BCAS3: variants seen among roughly 807,000 people sequenced by gnomAD.
The protein encoded by BCAS3 is BCAS3 microtubule associated cell migration factor, also known as BCAS4/BCAS3 fusion.
In BCAS3, 53 loss-of-function variants were observed where a neutral mutation model predicts 116.1. That is an observed-to-expected ratio of 0.46 (90% CI 0.37 to 0.57). The LOEUF is 0.57. Among genes scored for constraint, BCAS3 ranks in the 20% least tolerant of loss-of-function variants. The pLI is 0.00. For synonymous variants in BCAS3, 391 were observed against 408.2 expected, an observed-to-expected ratio of 0.96 and a Z score of 0.51; for missense variants, 917 against 1,165.4, an observed-to-expected ratio of 0.79 and a Z score of 3.10.
At chr17:60,950,047 C>T (rs1211649505) in intron 14 of BCAS3, among the ~76,000 whole-genome samples, 1 of 152,044 alleles carries the variant, frequency 6.6e-6, no homozygotes, top group Admixed American at 6.6e-5. Context: ...TATTTAAATC[C>T]TCTTTCACAC....
intron 22 of BCAS3, among the ~76,000 whole-genome samples, chr17:61,160,695 G>C (rs1288628606): frequency 6.6e-6 from 1 of 152,072 alleles, no homozygotes; most frequent in Admixed American, 6.5e-5. Context: ...TATAAAAAAG[G>C]TCATGGTCTT....
At chr17:60,810,201 C>A (rs1041943330) in intron 7 of BCAS3, 4 of 429,536 alleles carry the variant, frequency 9.3e-6, no homozygotes, top group Admixed American at 8.2e-5. Context: ...CTCCACCAAA[C>A]TACCAGTCTC....
rs1355475077 is a variant in BCAS3 at position 61,017,815 on chromosome 17, C to G, written c.1637+1914C>G. ...TCTTGCTTTCTTTCTCTCTCTCTCC[C>G]TCTTACAACCCGATTTCTCTCTACA... is the stretch of plus-strand genomic sequence containing the variant. On this transcript the variant is annotated intron_variant, in intron 16 of 23. Coordinates refer to ENST00000407086, the MANE Select transcript of BCAS3 (RefSeq NM_017679.5). The surrounding 1 kb of genome is among the most constrained non-coding windows in gnomAD (Gnocchi z 4.7). 6.6e-6 allele frequency among the ~76,000 whole-genome samples: 1 copy of G among 152,062 alleles called. No individual in the cohort carries two copies. The highest frequency in any genetic ancestry group is 1.5e-5 in the Non-Finnish European group (1 of 67,980).
rs773652962 is a variant in BCAS3 at position 61,368,744 on chromosome 17, A to G, written c.2593+250A>G. Among the ~76,000 whole-genome samples the G allele has an allele frequency of 1.2e-4, 19 of 152,340 alleles. No homozygotes were observed. The highest frequency in any genetic ancestry group is 2.6e-4 in the Non-Finnish European group (18 of 68,040). On this transcript the variant is annotated intron_variant, in intron 23 of 23. Transcript: ENST00000407086. The surrounding 1 kb of genome is among the most constrained non-coding windows in gnomAD (Gnocchi z 6.0). Reference sequence around the variant, plus strand: ...TTGCCATGATCAACACCACTGTGCAAGTGGCTCCCAGAAGGACACTTTCCT... The same window carrying G: ...TTGCCATGATCAACACCACTGTGCAGGTGGCTCCCAGAAGGACACTTTCCT...
intron 7 of BCAS3, among the ~76,000 whole-genome samples, chr17:60,826,176 GATTA>G (rs534295873): frequency 6.6e-5 from 10 of 151,410 alleles, no homozygotes; most frequent in African/African-American, 1.5e-4. Flanking sequence ...ATTTTTGATT[GATTA>G]ATTAATTAAT....
chr17:60,977,590 G>T (rs1029777966), intron 14 of BCAS3, among the ~76,000 whole-genome samples: 1 of 151,564 alleles, frequency 6.6e-6, no homozygotes, highest in Admixed American at 6.6e-5. Context: ...CCATGCTGGT[G>T]CCCTGCACCC....
chr17:61,157,141 A>G (rs920775999), intron 22 of BCAS3, among the ~76,000 whole-genome samples: 1 of 152,214 alleles, frequency 6.6e-6, no homozygotes, highest in African/African-American at 2.4e-5. Flanking sequence ...ATCTGGGGGA[A>G]ATAACTCTGA....
At chr17:61,374,507 C>T (rs568805850) in intron 23 of BCAS3, among the ~76,000 whole-genome samples, 4 of 152,346 alleles carry the variant, frequency 2.6e-5, no homozygotes, top group African/African-American at 9.6e-5. Context: ...AGTCAGCTCT[C>T]AGGGTCCGGG....
intron 19 of BCAS3, among the ~76,000 whole-genome samples, chr17:61,072,559 A>G (rs2071536882): frequency 6.6e-6 from 1 of 152,082 alleles, no homozygotes; most frequent in African/African-American, 2.4e-5. Context: ...TATAAAACAC[A>G]ACATAAACTT....
At position 61,134,890 on chromosome 17, in the gene BCAS3, G is replaced by A. The variant is rs2076535991; in HGVS notation, c.2425+50326G>A. On this transcript the variant is annotated intron_variant, in intron 22 of 23. Coordinates refer to ENST00000407086, the MANE Select transcript of BCAS3 (RefSeq NM_017679.5). This position sits in a 1 kb window ranked among gnomAD's most constrained non-coding sequence, Gnocchi z 4.6. ...TACTCTACTTTTCTCTTAGATTGTT[G>A]TTTTGTTTTTTTTTGAAATAAAACA... Among the ~76,000 whole-genome samples the A allele has an allele frequency of 6.6e-6, 1 of 151,834 alleles. No individual in the cohort carries two copies. The highest frequency in any genetic ancestry group is 2.1e-4 in the South Asian group (1 of 4,812).
At chr17:61,272,422 C>T (rs1254785327) in intron 22 of BCAS3, among the ~76,000 whole-genome samples, 6 of 151,824 alleles carry the variant, frequency 4.0e-5, no homozygotes, top group African/African-American at 7.3e-5. Context: ...TGCTTGAGCT[C>T]AGGAGCTCGA....
intron 3 of BCAS3, among the ~76,000 whole-genome samples, chr17:60,686,157 C>T (rs779832064): frequency 5.3e-5 from 8 of 151,980 alleles, no homozygotes; most frequent in East Asian, 1.9e-4. Flanking sequence ...TGTGAGCCAC[C>T]GCACCCGGCC....
At position 61,356,273 on chromosome 17, in the gene BCAS3, C is replaced by T. The variant is rs1177931217; in HGVS notation, c.2426-12054C>T. ...CCTCCCAAAGTGCTGGGATTACAGG[C>T]GTGAGCCACCGCACCTGGCCAGGAA... On this transcript the variant is annotated intron_variant, in intron 22 of 23. Coordinates refer to ENST00000407086, the MANE Select transcript of BCAS3 (RefSeq NM_017679.5). The surrounding 1 kb of genome is among the most constrained non-coding windows in gnomAD (Gnocchi z 5.4). Among the ~76,000 whole-genome samples, 4 of 152,328 alleles carry T rather than the reference C, an allele frequency of 2.6e-5. No homozygotes were observed. Among genetic ancestry groups the T allele is most frequent in the East Asian group, 1.9e-4 (1 of 5,184 alleles).
chr17:61,125,885 T>G (rs1198466666), intron 22 of BCAS3, among the ~76,000 whole-genome samples: 1 of 152,182 alleles, frequency 6.6e-6, no homozygotes, highest in Non-Finnish European at 1.5e-5. Flanking sequence ...GAAGATAGGC[T>G]TTTCATGATA....
At chr17:60,999,565 G>A (rs868867407) in intron 15 of BCAS3, among the ~76,000 whole-genome samples, 6,650 of 143,706 alleles carry the variant, frequency 0.046, 537 homozygotes, top group African/African-American at 0.16. Context: ...AAAAAAAAAA[G>A]AAAAAGAAAA....
chr17:61,326,877 A>C lies in BCAS3; in HGVS notation c.2426-41450A>C, dbSNP rs1275365048. Among the ~76,000 whole-genome samples the C allele has an allele frequency of 6.6e-6, 1 of 152,132 alleles. No individual in the cohort carries two copies. The highest frequency in any genetic ancestry group is 1.5e-5 in the Non-Finnish European group (1 of 68,024). ...GAGGTGATAAAAAGATGGATTGGAC[A>C]CCATCTCTCCCTTTAGGCAACTCAA... On this transcript the variant is annotated intron_variant, in intron 22 of 23. Transcript: ENST00000407086. The surrounding 1 kb of genome is among the most constrained non-coding windows in gnomAD (Gnocchi z 5.3).
At chr17:61,187,637 G>A (rs2079857005) in intron 22 of BCAS3, among the ~76,000 whole-genome samples, 1 of 152,214 alleles carries the variant, frequency 6.6e-6, no homozygotes, top group East Asian at 1.9e-4. Flanking sequence ...CTCATTGGCA[G>A]TATAAAGGGC....
Position 61,244,824 on chromosome 17 carries a change from C to G in BCAS3, c.2426-123503C>G, listed in dbSNP as rs570279848. ...CTTGCAGTGAGCCGAGATCGCGCCACTGTACCCCAGCCTGAGCAACAGAGT... is the reference window on the plus strand; with the variant it reads ...CTTGCAGTGAGCCGAGATCGCGCCAGTGTACCCCAGCCTGAGCAACAGAGT... On this transcript the variant is annotated intron_variant, in intron 22 of 23. Transcript: ENST00000407086. This position sits in a 1 kb window ranked among gnomAD's most constrained non-coding sequence, Gnocchi z 4.9. Among the ~76,000 whole-genome samples the G allele has an allele frequency of 1.3e-4, 20 of 152,152 alleles. No homozygotes were observed. The East Asian group carries it at 3.3e-3, about 25-fold the overall frequency.
intron 19 of BCAS3, among the ~76,000 whole-genome samples, chr17:61,052,808 T>C (rs1366164033): frequency 6.8e-6 from 1 of 146,642 alleles, no homozygotes; most frequent in Non-Finnish European, 1.5e-5. Flanking sequence ...AACCTCTGCC[T>C]CCCGGATCAA....
Sources: gnomAD v4.1 joint callset for allele counts (sites outside exome capture counted in the v4.1 genomes callset) on GRCh38, gnomAD v4.1.1 for gene constraint, Gnocchi (gnomAD v3.1) non-coding constraint, MANE v1.5 for transcripts, NCBI Gene and HGNC (gene_info 2026-07-23, HGNC 2026-07-21) for gene names.